GUK1: variants seen among roughly 807,000 people sequenced by gnomAD.
GUK1 encodes the protein guanylate kinase.
Under a neutral mutation model 25.2 loss-of-function variants are expected in GUK1, and 18 were observed. That is an observed-to-expected ratio of 0.71 (90% CI 0.49 to 1.06). The LOEUF (loss-of-function observed/expected upper bound fraction) is 1.06. GUK1 is among the 50% of genes least tolerant of loss of function. The pLI, the probability that GUK1 is intolerant of heterozygous loss-of-function variation, is 0.00. For missense variants in GUK1, 261 were observed against 276.7 expected (o/e 0.94, Z 0.40); for synonymous variants, 105 against 117.6 (o/e 0.89, Z 0.69).
At chr1:228,143,454 T>C (rs2034174550) in intron 2 of GUK1, among the ~76,000 whole-genome samples, 1 of 152,234 alleles carries the variant, frequency 6.6e-6, no homozygotes, top group African/African-American at 2.4e-5. Flanking sequence ...AGTCATAATT[T>C]CTGTGATCTC....
At chr1:228,144,195 TTGCAGCCGTGG>T (rs1453060550) in intron 2 of GUK1, 1 of 151,994 alleles carries the variant, frequency 6.6e-6, no homozygotes, top group East Asian at 1.9e-4. Flanking sequence ...CATGATGGAG[TTGCAGCCGTGG>T]TGCATTTGTG....
Position 228,145,637 on chromosome 1 carries a change from C to T in GUK1, c.112+13C>T, listed in dbSNP as rs1319833485. 1.2e-6 allele frequency: 2 copies of T among 1,611,104 alleles called. No homozygotes were observed. Among genetic ancestry groups the T allele is most frequent in the South Asian group, 1.1e-5 (1 of 90,488 alleles). On this transcript the variant is annotated intron_variant, in intron 3 of 8. Transcript: ENST00000312726. ...TTCAGCGTGTCCCGTGAGTCCAGGG[C>T]TCTCGTGGAGGGGTGCGTAGACCTC... is the stretch of plus-strand genomic sequence containing the variant.
intron 4 of GUK1, chr1:228,146,361 A>G: frequency 1.9e-6 from 1 of 513,470 alleles, no homozygotes; most frequent in Non-Finnish European, 3.5e-6. Flanking sequence ...CTCGGCACTT[A>G]TCAGCACTTT....
downstream of GUK1, chr1:228,148,952 T>C (rs1334877121): frequency 4.1e-6 from 4 of 983,016 alleles, no homozygotes; most frequent in Non-Finnish European, 5.8e-6. Context: ...AGAAACTCCA[T>C]AAATGAGTGG....
Position 228,141,706 on chromosome 1 carries a change from G to C in GUK1, c.-3+418G>C, listed in dbSNP as rs912054671. 7 of 1,307,168 alleles carry C rather than the reference G, an allele frequency of 5.4e-6. No homozygotes were observed. In the African/African-American group the frequency reaches 9.3e-5, roughly 17 times the overall value. 81.0% of individuals were successfully genotyped at this position (1,307,168 alleles called of 1,614,324 possible). A position where few individuals can be genotyped will look rare whatever the true frequency, so the allele number is the denominator to read the frequency against. ...GCCTTTCCAGGAAAGCGGCTGCTGG[G>C]GCAGCATGGGAGCCCAGTCCAGGGA... On this transcript the variant is annotated intron_variant, in intron 2 of 8. Coordinates refer to ENST00000312726, the MANE Select transcript of GUK1 (RefSeq NM_000858.7).
intron 2 of GUK1, among the ~76,000 whole-genome samples, chr1:228,142,060 C>T (rs561701687): frequency 7.2e-5 from 11 of 152,364 alleles, no homozygotes; most frequent in Non-Finnish European, 1.6e-4. Context: ...TGGGTGTGCT[C>T]CATGGAAGGT....
Position 228,140,980 on chromosome 1 carries a change from G to A in GUK1, c.-167-144G>A, listed in dbSNP as rs573461545. 7.0e-4 allele frequency: 115 copies of A among 164,902 alleles called. 1 individual carries two copies. The highest frequency in any genetic ancestry group is 1.3e-3 in the South Asian group (7 of 5,294). 10.2% of individuals were successfully genotyped at this position (164,902 alleles called of 1,614,324 possible). ...GAAGTATGCCCCAGTAAGGACTGGT[G>A]TGGGAAGCAGGTGCCTCAAAGTTGA... On this transcript the variant is annotated intron_variant, in intron 1 of 8. Transcript: ENST00000312726.
chr1:228,141,955 A>G (rs185705530), intron 2 of GUK1: 36 of 276,094 alleles, frequency 1.3e-4, no homozygotes, highest in Non-Finnish European at 2.1e-4. Context: ...ACAGGAAGAC[A>G]CCTTTGGCGC....
chr1:228,148,696 G>A lies in GUK1; in HGVS notation c.593G>A (p.Ter198=), dbSNP rs768763694. 3 of 1,603,086 alleles carry A rather than the reference G, an allele frequency of 1.9e-6. No individual in the cohort carries two copies. In the African/African-American group the frequency reaches 4.0e-5, roughly 21 times the overall value. The stretch of plus-strand genomic sequence containing the variant: ...AAGAAAGCTCAAAGGACCGGCGCCT[G>A]AGGCTTGCTGTCTGTTCTCGGCACC... Residue 198 remains the stop codon, a stop_retained_variant, in exon 9 of 9, where the codon TGA becomes TAA. Coordinates refer to ENST00000312726, the MANE Select transcript of GUK1 (RefSeq NM_000858.7).
At chr1:228,145,860 C>G in intron 3 of GUK1, 166 bp from the exon 3 acceptor site, 1 of 713,136 alleles carries the variant, frequency 1.4e-6, no homozygotes, top group Non-Finnish European at 2.4e-6. Flanking sequence ...CACAGTGTTT[C>G]TTTCTGGGAG....
chr1:228,145,756 T>A, intron 3 of GUK1, 132 bp downstream of exon 2: 1 of 1,075,732 alleles, frequency 9.3e-7, no homozygotes, highest in East Asian at 2.6e-5. Flanking sequence ...TCTTGCACAC[T>A]CCCCCCCACA....
rs755645991 is a variant in GUK1, at chr1:228,147,548, T to A, written c.390+4T>A. On this transcript the variant is annotated splice_donor_region_variant and intron_variant, in intron 6 of 8. Transcript: ENST00000312726. ...GCCGCCTTCACTGCACGTGCTGGTG[T>A]GTGCTGGGCAGGGTTGGGGGCTGGG... 6.2e-7 allele frequency: 1 copy of A among 1,613,156 alleles called. No individual in the cohort carries two copies. The highest frequency in any genetic ancestry group is 8.5e-7 in the Non-Finnish European group (1 of 1,179,806).
intron 2 of GUK1, chr1:228,141,496 C>T (rs1224390115): frequency 6.1e-5 from 26 of 425,022 alleles, no homozygotes; most frequent in African/African-American, 5.2e-4. Flanking sequence ...GAGCCCAGGC[C>T]CACGTCTGGT....
chr1:228,148,897 A>C lies in GUK1; in HGVS notation c.*200A>C. 7 of 1,332,290 alleles carry C rather than the reference A, an allele frequency of 5.3e-6. No homozygotes were observed. Among genetic ancestry groups the C allele is most frequent in the Non-Finnish European group, 7.2e-6 (7 of 969,106 alleles). The allele number at this position is 1,332,290 out of a possible 1,614,324, so 82.5% of individuals were successfully genotyped here. A position where few individuals can be genotyped will look rare whatever the true frequency, so the allele number is the denominator to read the frequency against. On this transcript the variant is annotated 3_prime_UTR_variant, in exon 9 of 9. Transcript: ENST00000312726. Reference sequence around the variant, plus strand: ...GGGCTGTCCCCTGTCCCTATCTCTCACTCTGGACCCAGGGCTGACATCCTA... The same window carrying C: ...GGGCTGTCCCCTGTCCCTATCTCTCCCTCTGGACCCAGGGCTGACATCCTA...
chr1:228,147,775 T>C, intron 7 of GUK1, 76 bp downstream of exon 6: 1 of 1,308,806 alleles, frequency 7.6e-7, no homozygotes. Context: ...CCAGGGACCC[T>C]GTGGGTCCCC....
At chr1:228,143,694 C>T (rs779311568) in intron 2 of GUK1, among the ~76,000 whole-genome samples, 6 of 152,206 alleles carry the variant, frequency 3.9e-5, no homozygotes, top group Non-Finnish European at 7.3e-5. Context: ...CACTGCAGTG[C>T]GTGCTGATGG....
chr1:228,145,927 G>T, intron 3 of GUK1, 99 bp from the exon 3 acceptor site: 1 of 904,918 alleles, frequency 1.1e-6, no homozygotes, highest in Non-Finnish European at 1.8e-6. Context: ...CTGGCTGCCT[G>T]CATCCTGGGG....
In GUK1 at chr1:228,146,155, C is replaced by T. The variant is rs1190866963; in HGVS notation, c.154+88C>T. ...CAGCTGTGTTGGCTGTGCTGCCCGT[C>T]TCCTGCCCCCATCAATCCCTAATCT... is the stretch of plus-strand genomic sequence containing the variant. On this transcript the variant is annotated intron_variant, in intron 4 of 8. Transcript: ENST00000312726. 6 of 845,244 alleles carry T rather than the reference C, an allele frequency of 7.1e-6. No homozygotes were observed. In the African/African-American group the frequency reaches 8.3e-5, roughly 12 times the overall value. The allele number at this position is 845,244 out of a possible 1,614,324, so 52.4% of individuals were successfully genotyped here.
intron 2 of GUK1, chr1:228,144,762 G>T (rs918055517): frequency 1.2e-5 from 12 of 981,272 alleles, no homozygotes; most frequent in Non-Finnish European, 1.5e-5. Context: ...GGTAGGCCCT[G>T]TTCTTGGGGA....
Sources: gnomAD v4.1 joint callset for allele counts (sites outside exome capture counted in the v4.1 genomes callset) on GRCh38, gnomAD v4.1.1 for gene constraint, MANE v1.5 for transcripts, NCBI Gene and HGNC (gene_info 2026-07-23, HGNC 2026-07-21) for gene names.